The following CYREN variants were observed in gnomAD, a reference collection of about 807,000 sequenced individuals.
The protein encoded by CYREN is cell cycle regulator of NHEJ.
A neutral mutation model predicts 9.7 loss-of-function variants in CYREN; 7 were observed. That is an observed-to-expected ratio of 0.72 (90% CI 0.41 to 1.36). The LOEUF (loss-of-function observed/expected upper bound fraction) is 1.36. CYREN is among the 40% of genes most tolerant of loss of function. The pLI, the probability that CYREN is intolerant of heterozygous loss-of-function variation, is 0.01. For synonymous variants in CYREN, 76 were observed against 77.9 expected, an observed-to-expected ratio of 0.98 and a Z score of 0.13; for missense variants, 215 against 198.1, an observed-to-expected ratio of 1.09 and a Z score of -0.51.
upstream of CYREN, among the ~76,000 whole-genome samples, chr7:135,172,089 A>T (rs190979026): frequency 1.0e-3 from 154 of 151,772 alleles, no homozygotes; most frequent in African/African-American, 3.5e-3. Context: ...ACTTGGTAAG[A>T]CTAGTCTTTG....
At position 135,129,484 on chromosome 7, in the gene CYREN, G is replaced by A. The variant is rs1585288162; in HGVS notation, n.357-34902C>T. The A allele has an allele frequency of 6.0e-5, 46 of 773,038 alleles. 1 individual carries two copies. The South Asian group carries it at 6.2e-4, about 10-fold the overall frequency. 47.9% of individuals were successfully genotyped at this position (773,038 alleles called of 1,614,324 possible). On this transcript the variant is annotated intron_variant and non_coding_transcript_variant, in intron 2 of 2. Coordinates refer to the CYREN transcript ENST00000459937. ...GAGAAAAACTTCAAGAACTGACCATGTTGTGGAACTCCCATAGAGAAATTA... is the reference window on the plus strand; with the variant it reads ...GAGAAAAACTTCAAGAACTGACCATATTGTGGAACTCCCATAGAGAAATTA...
intron 2 of CYREN, among the ~76,000 whole-genome samples, chr7:135,096,462 G>A (rs561780079): frequency 1.0e-4 from 15 of 150,694 alleles, no homozygotes; most frequent in African/African-American, 3.2e-4. Flanking sequence ...TTAATGACTC[G>A]TGGAAGAACA....
chr7:135,163,440 A>C (rs1353932735), downstream of CYREN, among the ~76,000 whole-genome samples: 1 of 151,870 alleles, frequency 6.6e-6, no homozygotes, highest in Non-Finnish European at 1.5e-5. Flanking sequence ...TCAGGAGTTC[A>C]ATCAAGACCA....
At chr7:135,164,542 G>A (rs1409805899), downstream of CYREN, 1 of 1,614,092 alleles carries the variant, frequency 6.2e-7, no homozygotes, top group South Asian at 1.1e-5. Context: ...GCTCTTCTCT[G>A]GGAGGCTGGC....
rs140642101 is a variant in CYREN at position 135,151,588 on chromosome 7, G to A, written n.356+17161C>T. Among the ~76,000 whole-genome samples, 349 of 152,154 alleles carry A rather than the reference G, an allele frequency of 2.3e-3. No homozygotes were observed. Among genetic ancestry groups the A allele is most frequent in the Non-Finnish European group, 4.2e-3 (288 of 68,000 alleles). ...TCTACCTGACTCTCCGTCAATTCCC[G>A]TTTCTCCCACTGAGCTATTGCTTCA... On this transcript the variant is annotated intron_variant and non_coding_transcript_variant, in intron 2 of 2. Transcript: ENST00000459937. This position sits in a 1 kb window ranked among gnomAD's most constrained non-coding sequence, Gnocchi z 4.3.
At chr7:135,125,011 T>C (rs188287293) in intron 2 of CYREN, among the ~76,000 whole-genome samples, 1 of 151,684 alleles carries the variant, frequency 6.6e-6, no homozygotes, top group African/African-American at 2.4e-5. Context: ...AAGAGCAAAC[T>C]AATCCAAAAG....
downstream of CYREN, chr7:135,164,457 C>T (rs292500): frequency 0.034 from 53,814 of 1,599,632 alleles, 1,060 homozygotes; most frequent in Non-Finnish European, 0.039. Context: ...CGGCCCAAGG[C>T]CTCGGTGGCG....
intron 2 of CYREN, chr7:135,115,375 C>A: frequency 6.5e-7 from 1 of 1,541,348 alleles, no homozygotes; most frequent in Admixed American, 2.0e-5. Flanking sequence ...GTGGTTGCTC[C>A]CCAGATCTGC....
chr7:135,109,012 T>C (rs1825202234), intron 2 of CYREN, among the ~76,000 whole-genome samples: 1 of 152,082 alleles, frequency 6.6e-6, no homozygotes, highest in African/African-American at 2.4e-5. Flanking sequence ...GAAATTCTTG[T>C]AGTGTGTTTT....
chr7:135,134,418 G>A (rs1162085388), intron 2 of CYREN, among the ~76,000 whole-genome samples: 2 of 151,968 alleles, frequency 1.3e-5, no homozygotes, highest in South Asian at 2.1e-4. Context: ...GACTCACGTT[G>A]ATTTTTTTAC....
intron 2 of CYREN, chr7:135,128,862 C>A: frequency 8.0e-7 from 1 of 1,256,172 alleles, no homozygotes; most frequent in Non-Finnish European, 1.2e-6. Context: ...AAATATGATC[C>A]AGGAAATCTT....
At chr7:135,159,235 G>A (rs1201520748) in intron 2 of CYREN, among the ~76,000 whole-genome samples, 3 of 152,160 alleles carry the variant, frequency 2.0e-5, no homozygotes, top group Non-Finnish European at 4.4e-5. Flanking sequence ...TTACTATTCT[G>A]GTTTCTCACC....
At chr7:135,124,912 G>C (rs79623405) in intron 2 of CYREN, among the ~76,000 whole-genome samples, 7 of 152,140 alleles carry the variant, frequency 4.6e-5, no homozygotes, top group African/African-American at 9.7e-5. Context: ...TGTTAAGGGG[G>C]AAATTTATGG....
At chr7:135,142,017 T>C (rs1273844845) in intron 2 of CYREN, among the ~76,000 whole-genome samples, 1 of 152,162 alleles carries the variant, frequency 6.6e-6, no homozygotes, top group Admixed American at 6.6e-5. Flanking sequence ...AGAATGTATA[T>C]TCTGTTGTTG....
At chr7:135,156,775 C>T (rs1057203872) in intron 2 of CYREN, among the ~76,000 whole-genome samples, 10 of 152,052 alleles carry the variant, frequency 6.6e-5, no homozygotes, top group Non-Finnish European at 1.2e-4. Context: ...ATGATTGTTA[C>T]GGTTTGACTG....
rs544105326 is a variant in CYREN, at chr7:135,113,416, C to A, written n.357-18834G>T. On this transcript the variant is annotated intron_variant and non_coding_transcript_variant, in intron 2 of 2. Coordinates refer to the CYREN transcript ENST00000459937. ...TTCCTAGAATATTTTAAAATAAATT[C>A]TATAAATTATATTATTTTGCCTATA... Among the ~76,000 whole-genome samples, 317 of 152,192 alleles carry A rather than the reference C, an allele frequency of 2.1e-3. 1 individual carries two copies. The highest frequency in any genetic ancestry group is 7.2e-3 in the African/African-American group (301 of 41,534).
chr7:135,092,913 A>G (rs1220743287), exon 3 of CYREN: 1 of 152,094 alleles, frequency 6.6e-6, no homozygotes, highest in Non-Finnish European at 1.5e-5. Flanking sequence ...TTAATAGAAT[A>G]TAAAGAAAAA....
chr7:135,156,776 G>A (rs893783497), intron 2 of CYREN, among the ~76,000 whole-genome samples: 12 of 152,040 alleles, frequency 7.9e-5, no homozygotes, highest in East Asian at 5.8e-4. Context: ...TGATTGTTAC[G>A]GTTTGACTGT....
At position 135,153,646 on chromosome 7, in the gene CYREN, T is replaced by C. The variant is rs573942176; in HGVS notation, n.356+15103A>G. ...CCAGCAACCTGGGGTATCATATTTA[T>C]TGATTTGCATATGTTGAACCATCCT... On this transcript the variant is annotated intron_variant and non_coding_transcript_variant, in intron 2 of 2. Coordinates refer to the CYREN transcript ENST00000459937. Among the ~76,000 whole-genome samples, 45 of 152,344 alleles carry C rather than the reference T, an allele frequency of 3.0e-4. 1 individual carries two copies. The South Asian group carries it at 9.1e-3, about 31-fold the overall frequency.
Sources: allele counts gnomAD v4.1 joint callset (sites outside exome capture counted in the v4.1 genomes callset), GRCh38; gene constraint gnomAD v4.1.1; non-coding constraint Gnocchi (gnomAD v3.1); transcripts MANE v1.5; gene names NCBI Gene and HGNC (gene_info 2026-07-23, HGNC 2026-07-21).